Variants in CSMD1 observed in about 807,000 individuals in gnomAD.
CSMD1 encodes the protein CUB and sushi domain-containing protein 1.
In CSMD1, 213 loss-of-function variants were observed where a neutral mutation model predicts 417.5. The ratio of observed to expected loss-of-function variants is 0.51; its 90% confidence interval spans 0.46 to 0.57. The LOEUF is 0.57. Ranked by LOEUF, CSMD1 falls within the 20% of genes least tolerant of loss-of-function variation. The probability of loss-of-function intolerance (pLI) is 0.00; values close to 1 mark genes in which losing one functional copy is unlikely to be tolerated. For synonymous variants in CSMD1, 2,862 were observed against 1,736.8 expected (o/e 1.65, Z -16.11); for missense variants, 6,923 against 4,529.7 (o/e 1.53, Z -15.17).
chr8:3,181,208 G>A lies in CSMD1; in HGVS notation c.5627C>T (p.Thr1876Ile), dbSNP rs751199390. Residue 1876 changes from threonine to isoleucine, a missense_variant, in exon 37 of 70, where the codon ACA (threonine) becomes ATA (isoleucine). By Grantham distance (89) the Thr-to-Ile change is moderately conservative (BLOSUM62 -1). Transcript: ENST00000635120. ...AGTACTGTTCAGCAGTGCCGGTACT[G>A]TGGTGCCTGTAAGAAACAATGCAGA... is the stretch of plus-strand genomic sequence containing the variant. ...APRLGSFSGT[T>I]VPALLNSTSN... The A allele has an allele frequency of 6.2e-7, 1 of 1,610,644 alleles. No individual in the cohort carries two copies. The highest frequency in any genetic ancestry group is 1.3e-5 in the African/African-American group (1 of 74,976).
intron 5 of CSMD1, among the ~76,000 whole-genome samples, chr8:3,963,928 T>C (rs959423435): frequency 6.6e-6 from 1 of 152,184 alleles, no homozygotes; most frequent in African/African-American, 2.4e-5. Flanking sequence ...ATTTCCTCCC[T>C]TTCAGAAGAA....
chr8:4,180,549 C>T (rs1489433977), intron 3 of CSMD1, among the ~76,000 whole-genome samples: 1 of 151,284 alleles, frequency 6.6e-6, no homozygotes, highest in Non-Finnish European at 1.5e-5. Context: ...GCACATTGTG[C>T]ACATGTACCC....
Position 3,520,039 on chromosome 8 carries a change from T to TATATATACAC in CSMD1, c.1345-26314_1345-26313insGTGTATATAT, listed in dbSNP as rs545212684. On this transcript the variant is annotated intron_variant, in intron 10 of 69. Transcript: ENST00000635120. ...ATATACCTATATATATATATATATATACACGTATAGTTGTGAAACTTGCTC... is the reference window on the plus strand; with the variant it reads ...ATATACCTATATATATATATATATATATATATACACACACGTATAGTTGTGAAACTTGCTC... Among the ~76,000 whole-genome samples, 213 of 147,184 alleles carry TATATATACAC rather than the reference T, an allele frequency of 1.4e-3. 2 individuals carry two copies. Among genetic ancestry groups the TATATATACAC allele is most frequent in the African/African-American group, 5.3e-3 (204 of 38,742 alleles).
chr8:4,422,162 T>C (rs1797285251), intron 2 of CSMD1, among the ~76,000 whole-genome samples: 1 of 152,162 alleles, frequency 6.6e-6, no homozygotes, highest in African/African-American at 2.4e-5. Flanking sequence ...TTCCAAATGT[T>C]CCCACTGGAG....
intron 3 of CSMD1, among the ~76,000 whole-genome samples, chr8:4,373,879 G>A (rs545122540): frequency 5.3e-5 from 8 of 152,236 alleles, no homozygotes; most frequent in African/African-American, 1.4e-4. Context: ...TTGCTTTAAC[G>A]CAGAAGCTGT....
chr8:3,517,791 C>T (rs564219291), intron 10 of CSMD1, among the ~76,000 whole-genome samples: 17 of 152,138 alleles, frequency 1.1e-4, no homozygotes, highest in African/African-American at 2.2e-4. Context: ...CAAAAAATAA[C>T]GAGCAGAATT....
chr8:3,541,141 A>G (rs1026714834), intron 10 of CSMD1, among the ~76,000 whole-genome samples: 2 of 152,252 alleles, frequency 1.3e-5, no homozygotes, highest in Non-Finnish European at 2.9e-5. Flanking sequence ...AATGTCCATC[A>G]ATGACAGACT....
chr8:3,661,093 C>A (rs908173803), intron 7 of CSMD1, among the ~76,000 whole-genome samples: 16 of 152,290 alleles, frequency 1.1e-4, no homozygotes, highest in African/African-American at 2.9e-4. Flanking sequence ...TAGGATACAG[C>A]CGGGTTCCAT....
chr8:2,994,145 C>CCAAA (rs1806656749), intron 54 of CSMD1, among the ~76,000 whole-genome samples: 2 of 30,520 alleles, frequency 6.6e-5, no homozygotes, highest in African/African-American at 4.8e-4. Flanking sequence ...AACTCCATCT[C>CCAAA]AAAAAAAAAA....
intron 7 of CSMD1, among the ~76,000 whole-genome samples, chr8:3,706,608 G>GA (rs960701775): frequency 7.2e-5 from 11 of 152,042 alleles, no homozygotes; most frequent in African/African-American, 2.7e-4. Flanking sequence ...TATTACAAAA[G>GA]AAAAAAAGCT....
intron 12 of CSMD1, among the ~76,000 whole-genome samples, chr8:3,417,015 G>C (rs1490228452): frequency 1.3e-5 from 2 of 152,168 alleles, no homozygotes; most frequent in East Asian, 1.9e-4. Flanking sequence ...TGATATCCCT[G>C]AATTTTAGTG....
intron 1 of CSMD1, among the ~76,000 whole-genome samples, chr8:4,802,706 TTTGATA>T (rs1798369020): frequency 6.6e-6 from 1 of 152,186 alleles, no homozygotes; most frequent in South Asian, 2.1e-4. Context: ...GTTTTCTTGT[TTTGATA>T]TTATCTTCCA....
intron 25 of CSMD1, among the ~76,000 whole-genome samples, chr8:3,301,952 G>A (rs922548684): frequency 1.3e-5 from 2 of 151,992 alleles, no homozygotes; most frequent in Admixed American, 1.3e-4. Flanking sequence ...TTTTTTCAGT[G>A]TCTCGTCTAA....
intron 3 of CSMD1, among the ~76,000 whole-genome samples, chr8:4,123,133 G>T (rs527835148): frequency 3.3e-5 from 5 of 152,226 alleles, no homozygotes; most frequent in African/African-American, 1.2e-4. Flanking sequence ...AAAATAGGAA[G>T]ATGAAGAATA....
intron 1 of CSMD1, among the ~76,000 whole-genome samples, chr8:4,660,427 T>C (rs868779458): frequency 6.6e-6 from 1 of 151,862 alleles, no homozygotes; most frequent in Non-Finnish European, 1.5e-5. Flanking sequence ...AAAGTAAACA[T>C]AGGAAAGATA....
In CSMD1 at chr8:4,919,159, CTAAAG is replaced by C. The variant is rs564502540; in HGVS notation, c.85+75168_85+75172del. ...ATGGAAACATACTCAGTTAAAATCA[CTAAAG>C]TAAAATTAAAATCCTGTAAAACTGA... On this transcript the variant is annotated intron_variant, in intron 1 of 69. Transcript: ENST00000635120. Among the ~76,000 whole-genome samples the C allele has an allele frequency of 3.8e-3, 573 of 152,214 alleles. 4 individuals are homozygous for C. Among genetic ancestry groups the C allele is most frequent in the African/African-American group, 0.013 (558 of 41,538 alleles).
At chr8:4,448,933 GATAA>G (rs553957967) in intron 2 of CSMD1, among the ~76,000 whole-genome samples, 7 of 152,236 alleles carry the variant, frequency 4.6e-5, no homozygotes, top group African/African-American at 1.7e-4. Flanking sequence ...AAAATTTCCA[GATAA>G]ATTACCAGTG....
intron 7 of CSMD1, among the ~76,000 whole-genome samples, chr8:3,707,886 T>A (rs1237506418): frequency 2.6e-5 from 4 of 152,198 alleles, no homozygotes; most frequent in African/African-American, 9.6e-5. Context: ...CCACAGCTAT[T>A]GATCTGGTAT....
intron 3 of CSMD1, among the ~76,000 whole-genome samples, chr8:4,197,198 T>A (rs7840813): frequency 0.1 from 15,719 of 152,224 alleles, 1,143 homozygotes; most frequent in African/African-American, 0.19. Context: ...GTCCTAGCAT[T>A]TTCCAGTAAG....
Sources: allele counts gnomAD v4.1 joint callset (sites outside exome capture counted in the v4.1 genomes callset), GRCh38; gene constraint gnomAD v4.1.1; transcripts MANE v1.5; gene names NCBI Gene and HGNC (gene_info 2026-07-23, HGNC 2026-07-21).